Variants in BICD1 observed in about 807,000 individuals in gnomAD.
The protein encoded by BICD1 is protein bicaudal D homolog 1.
In BICD1, 35 loss-of-function variants were observed where a neutral mutation model predicts 92.5. The ratio of observed to expected loss-of-function variants is 0.38; its 90% CI spans 0.29 to 0.50. The LOEUF is 0.50. BICD1 is among the 20% of genes least tolerant of loss of function. The pLI is 0.93. For missense variants in BICD1, 950 were observed against 1,189.8 expected (o/e 0.80, Z 2.97); for synonymous variants, 429 against 465.1 (o/e 0.92, Z 1.00).
At chr12:32,182,886 CTTTCTTTTTTTT>C (rs893102602) in intron 1 of BICD1, among the ~76,000 whole-genome samples, 10 of 80,416 alleles carry the variant, frequency 1.2e-4, no homozygotes, top group African/African-American at 4.4e-4. Context: ...TCTTTTCTTT[CTTTCTTTTTTTT>C]TTTTTTTTTT....
chr12:32,357,109 T>G (rs746487676), intron 8 of BICD1, among the ~76,000 whole-genome samples: 29 of 150,740 alleles, frequency 1.9e-4, no homozygotes, highest in Non-Finnish European at 3.1e-4. Context: ...CCCCCCGGGT[T>G]CAAGCAATTC....
chr12:32,142,087 ACT>A (rs1025414263), intron 1 of BICD1, among the ~76,000 whole-genome samples: 1 of 151,864 alleles, frequency 6.6e-6, no homozygotes, highest in African/African-American at 2.4e-5. Context: ...ATTGACTGAA[ACT>A]CTATTGAAGT....
chr12:32,245,804 C>T (rs12317383), intron 2 of BICD1, among the ~76,000 whole-genome samples: 28,730 of 150,868 alleles, frequency 0.19, 4,359 homozygotes, highest in African/African-American at 0.41. Context: ...CTGAGGTGGG[C>T]GGATTGTCTG....
At chr12:32,254,899 TTAAG>T (rs558846498) in intron 2 of BICD1, among the ~76,000 whole-genome samples, 275 of 152,334 alleles carry the variant, frequency 1.8e-3, no homozygotes, top group African/African-American at 6.4e-3. Context: ...AGCAGAAGCA[TTAAG>T]TAAGATGCAT....
intron 1 of BICD1, among the ~76,000 whole-genome samples, chr12:32,174,573 T>C (rs1350133494): frequency 6.6e-6 from 1 of 152,194 alleles, no homozygotes; most frequent in African/African-American, 2.4e-5. Context: ...ATCCATTGTG[T>C]CAGCATAATC....
chr12:32,327,449 T>C lies in BICD1; in HGVS notation c.1006-12T>C, dbSNP rs201828835. The stretch of plus-strand genomic sequence containing the variant: ...CTTGAGGTGATTCAGAAACTTTCTT[T>C]TGCCATTGCAGGTAGAGCGGGAAAA... On this transcript the variant is annotated splice_polypyrimidine_tract_variant and intron_variant, in intron 4 of 9. Coordinates refer to ENST00000652176, the MANE Select transcript of BICD1 (RefSeq NM_001714.4). 14 of 1,584,334 alleles carry C rather than the reference T, an allele frequency of 8.8e-6. No individual in the cohort carries two copies. The highest frequency in any genetic ancestry group is 1.3e-5 in the African/African-American group (1 of 74,252).
At chr12:32,306,377 G>A (rs1948218282) in intron 4 of BICD1, among the ~76,000 whole-genome samples, 1 of 151,942 alleles carries the variant, frequency 6.6e-6, no homozygotes, top group African/African-American at 2.4e-5. Context: ...CCGAGTAGCT[G>A]GGACTACAGG....
intron 2 of BICD1, among the ~76,000 whole-genome samples, chr12:32,259,102 G>T (rs1437511156): frequency 2.0e-5 from 3 of 151,928 alleles, no homozygotes; most frequent in Non-Finnish European, 4.4e-5. Context: ...GTAAGAGAGG[G>T]CTCACCTCTT....
chr12:32,174,736 A>C (rs1487015158), intron 1 of BICD1, among the ~76,000 whole-genome samples: 1 of 151,766 alleles, frequency 6.6e-6, no homozygotes, highest in African/African-American at 2.4e-5. Flanking sequence ...AATAGTAATT[A>C]CTCCTTTCAT....
At position 32,327,468 on chromosome 12, in the gene BICD1, G is replaced by T. The variant is rs183425481; in HGVS notation, c.1013G>T (p.Arg338Leu). Residue 338 changes from arginine to leucine, a missense_variant, in exon 5 of 10, where the codon CGG (arginine) becomes CTG (leucine). Around this residue, in one of 5 missense-constraint regions of BICD1, gnomAD observed 246 missense variants for 258.4 expected, o/e 0.95. Coordinates refer to ENST00000652176, the MANE Select transcript of BICD1 (RefSeq NM_001714.4). ...KLKQQLMQVE[R>L]EKAILLANLQ... ...TTTCTTTTGCCATTGCAGGTAGAGCGGGAAAAGGCCATTCTTTTGGCCAAC... is the reference window on the plus strand; with the variant it reads ...TTTCTTTTGCCATTGCAGGTAGAGCTGGAAAAGGCCATTCTTTTGGCCAAC... 8 of 1,596,176 alleles carry T rather than the reference G, an allele frequency of 5.0e-6. No homozygotes were observed. In the African/African-American group the frequency reaches 9.4e-5, roughly 19 times the overall value.
chr12:32,142,963 G>A (rs183286295), intron 1 of BICD1, among the ~76,000 whole-genome samples: 11 of 152,280 alleles, frequency 7.2e-5, no homozygotes, highest in South Asian at 6.2e-4. Flanking sequence ...GCTACAAGCC[G>A]TTAAATAGTT....
At chr12:32,288,515 G>A (rs1947640964) in intron 2 of BICD1, among the ~76,000 whole-genome samples, 1 of 152,070 alleles carries the variant, frequency 6.6e-6, no homozygotes, top group African/African-American at 2.4e-5. Context: ...CTCCCAAGGT[G>A]TGGGGTTTAC....
intron 1 of BICD1, among the ~76,000 whole-genome samples, chr12:32,119,243 G>GT (rs1565527905): frequency 6.6e-6 from 1 of 152,208 alleles, no homozygotes; most frequent in Non-Finnish European, 1.5e-5. Context: ...GTAACACAGT[G>GT]TATTGCCTAC....
At chr12:32,128,981 G>C (rs1442135672) in intron 1 of BICD1, among the ~76,000 whole-genome samples, 1 of 151,026 alleles carries the variant, frequency 6.6e-6, no homozygotes, top group Non-Finnish European at 1.5e-5. Flanking sequence ...TCGCTCTGTT[G>C]CCCAGGCTGG....
In BICD1 at chr12:32,176,595, A is replaced by G. The variant is rs148312424; in HGVS notation, c.214-39652A>G. Among the ~76,000 whole-genome samples, 342 of 152,350 alleles carry G rather than the reference A, an allele frequency of 2.2e-3. 1 individual carries two copies. The highest frequency in any genetic ancestry group is 3.2e-3 in the Non-Finnish European group (221 of 68,028). Reference sequence around the variant, plus strand: ...AGATTTTGATTTCTATCATTCTATCATACTGTTTTGATTTCTATCATTGTA... The same window carrying G: ...AGATTTTGATTTCTATCATTCTATCGTACTGTTTTGATTTCTATCATTGTA... On this transcript the variant is annotated intron_variant, in intron 1 of 9. Coordinates refer to ENST00000652176, the MANE Select transcript of BICD1 (RefSeq NM_001714.4).
At position 32,337,911 on chromosome 12, in the gene BICD1, G is replaced by A. The variant is rs1408628785; in HGVS notation, c.2570+95G>A. 4.3e-6 allele frequency: 6 copies of A among 1,407,432 alleles called. No homozygotes were observed. Among genetic ancestry groups the A allele is most frequent in the Middle Eastern group, 2.0e-4 (1 of 4,944 alleles). The allele number at this position is 1,407,432 out of a possible 1,614,324, so 87.2% of individuals were successfully genotyped here. On this transcript the variant is annotated intron_variant, in intron 7 of 9. Transcript: ENST00000652176. This position sits in a 1 kb window ranked among gnomAD's most constrained non-coding sequence, Gnocchi z 4.7. ...CTCTTGTTGTGGAGGATGGAGGAGGGGAAGCAAAAGAAAAAATGGGAGCTG... is the reference window on the plus strand; with the variant it reads ...CTCTTGTTGTGGAGGATGGAGGAGGAGAAGCAAAAGAAAAAATGGGAGCTG...
At chr12:32,375,147 T>C (rs1464806926) in intron 9 of BICD1, among the ~76,000 whole-genome samples, 1 of 151,172 alleles carries the variant, frequency 6.6e-6, no homozygotes, top group African/African-American at 2.4e-5. Context: ...GGATGGTCTC[T>C]ATCTCCTGAG....
Position 32,328,310 on chromosome 12 carries a change from C to T in BICD1, c.1855C>T (p.Arg619Cys), listed in dbSNP as rs200444584. The T allele has an allele frequency of 8.7e-6, 14 of 1,614,062 alleles. No individual in the cohort carries two copies. The highest frequency in any genetic ancestry group is 3.3e-5 in the Admixed American group (2 of 59,994). Residue 619 changes from arginine (R) to cysteine (C), a missense_variant, in exon 5 of 10, where the codon CGC becomes TGC. This residue lies in a region of BICD1 where 309 missense variants were observed against 499.4 expected (regional missense o/e 0.62). Transcript: ENST00000652176. The surrounding 1 kb of genome is among the most constrained non-coding windows in gnomAD (Gnocchi z 4.4). ...TCCAGTATTGGATACAAGTGACATC[C>T]GCAAAGAGCCAATGAATATCTACAA... is the stretch of plus-strand genomic sequence containing the variant. ...SSPVLDTSDI[R>C]KEPMNIYNLN...
rs755782156 is a variant in BICD1, at chr12:32,216,206, C to A, written c.214-41C>A. 6.4e-5 allele frequency: 101 copies of A among 1,581,106 alleles called. 1 individual carries two copies. In the South Asian group the frequency reaches 1.0e-3, roughly 16 times the overall value. On this transcript the variant is annotated intron_variant, in intron 1 of 9. Transcript: ENST00000652176. ...CAAGTCTTAAAAGAGGGTTATGATGCATTTCATTGTGTACTCTTTTTCTTC... is the reference window on the plus strand; with the variant it reads ...CAAGTCTTAAAAGAGGGTTATGATGAATTTCATTGTGTACTCTTTTTCTTC...
Sources: allele counts gnomAD v4.1 joint callset (sites outside exome capture counted in the v4.1 genomes callset), GRCh38; gene constraint gnomAD v4.1.1; regional missense constraint gnomAD v4.1.1; non-coding constraint Gnocchi (gnomAD v3.1); transcripts MANE v1.5; gene names NCBI Gene and HGNC (gene_info 2026-07-23, HGNC 2026-07-21).